Variants in LRP1B observed in about 807,000 individuals in gnomAD.
LRP1B encodes low-density lipoprotein receptor-related protein 1B.
LRP1B carries 217 observed loss-of-function variants against 556.6 expected under a neutral mutation model. The observed-to-expected ratio is 0.39, with a 90% CI of 0.35 to 0.44. The LOEUF is 0.44. LRP1B is among the 20% of genes least tolerant of loss of function. The pLI is 1.00. For synonymous variants in LRP1B, 2,047 were observed against 1,865.8 expected (o/e 1.10, Z -2.50); for missense variants, 5,053 against 5,620.8 (o/e 0.90, Z 3.23).
chr2:140,249,146 G>A (rs375167444), intron 86 of LRP1B, among the ~76,000 whole-genome samples: 22 of 151,474 alleles, frequency 1.5e-4, no homozygotes, highest in Admixed American at 1.3e-3. Context: ...TTACACTTTC[G>A]GAAAAGATTT....
intron 3 of LRP1B, among the ~76,000 whole-genome samples, chr2:141,417,371 T>C (rs1679937308): frequency 1.3e-5 from 2 of 152,174 alleles, no homozygotes; most frequent in African/African-American, 4.8e-5. Flanking sequence ...ATCCACTCAA[T>C]AGCAACTTCC....
rs117290168 is a variant in LRP1B at position 141,687,978 on chromosome 2, T to A, written c.205+122301A>T. 1.3e-4 allele frequency among the ~76,000 whole-genome samples: 19 copies of A among 150,458 alleles called. No homozygotes were observed. The East Asian group carries it at 3.8e-3, about 30-fold the overall frequency. Reference sequence around the variant, plus strand: ...ATGTAATTTTGCAATTCCAATTTTTTAATCTTTATTTATTAATAAATTATG... The same window carrying A: ...ATGTAATTTTGCAATTCCAATTTTTAAATCTTTATTTATTAATAAATTATG... On this transcript the variant is annotated intron_variant, in intron 2 of 90. Transcript: ENST00000389484.
intron 2 of LRP1B, among the ~76,000 whole-genome samples, chr2:141,715,461 AC>A (rs1405992711): frequency 6.6e-6 from 1 of 151,910 alleles, no homozygotes; most frequent in African/African-American, 2.4e-5. Flanking sequence ...ACAGAGCAAG[AC>A]CCTATCTCAA....
Position 140,588,666 on chromosome 2 carries a change from G to A in LRP1B, c.7194+9965C>T, listed in dbSNP as rs527533366. ...TTTGAAAAAAGTATACAAGCAATTA[G>A]AGAAAAGATGGACATCCAGCTGGGT... On this transcript the variant is annotated intron_variant, in intron 43 of 90. Coordinates refer to ENST00000389484, the MANE Select transcript of LRP1B (RefSeq NM_018557.3). Among the ~76,000 whole-genome samples the A allele has an allele frequency of 2.6e-5, 4 of 152,234 alleles. No homozygotes were observed. In the East Asian group the frequency reaches 7.7e-4, roughly 29 times the overall value.
intron 2 of LRP1B, among the ~76,000 whole-genome samples, chr2:141,714,035 T>A (rs1692474588): frequency 6.6e-6 from 1 of 152,198 alleles, no homozygotes; most frequent in South Asian, 2.1e-4. Flanking sequence ...CTATTTCCAG[T>A]CATTACTTTA....
At chr2:140,501,119 A>C (rs1689167150) in intron 55 of LRP1B, among the ~76,000 whole-genome samples, 2 of 151,978 alleles carry the variant, frequency 1.3e-5, no homozygotes, top group South Asian at 4.1e-4. Context: ...CGATTCTGTC[A>C]GCGAATCACC....
intron 7 of LRP1B, among the ~76,000 whole-genome samples, chr2:141,096,993 C>T (rs762284425): frequency 1.1e-4 from 16 of 152,084 alleles, no homozygotes; most frequent in African/African-American, 3.6e-4. Flanking sequence ...AGAGGCGAGC[C>T]GTTCCTTGCT....
intron 21 of LRP1B, among the ~76,000 whole-genome samples, chr2:140,908,291 T>C (rs1694313483): frequency 6.7e-6 from 1 of 150,090 alleles, no homozygotes; most frequent in Non-Finnish European, 1.5e-5. Flanking sequence ...TGAGCTTTGA[T>C]ATTTTCTTTA....
intron 7 of LRP1B, among the ~76,000 whole-genome samples, chr2:141,115,657 GTT>G (rs759761315): frequency 0.48 from 69,783 of 144,982 alleles, 17,414 homozygotes; most frequent in Middle Eastern, 0.66. Flanking sequence ...GTGTGTGTGT[GTT>G]TTTTAGTAGA....
chr2:141,051,581 T>C (rs1699036650), intron 10 of LRP1B, among the ~76,000 whole-genome samples: 1 of 151,922 alleles, frequency 6.6e-6, no homozygotes, highest in Non-Finnish European at 1.5e-5. Context: ...CCCAGGTACC[T>C]AGCAAAAATG....
chr2:141,911,315 C>T (rs973160574), intron 1 of LRP1B, among the ~76,000 whole-genome samples: 10 of 152,246 alleles, frequency 6.6e-5, no homozygotes, highest in African/African-American at 2.4e-4. Context: ...TTGGAGAATT[C>T]CAGTTATATT....
At chr2:140,790,616 G>A (rs1039913589) in intron 32 of LRP1B, among the ~76,000 whole-genome samples, 1 of 152,142 alleles carries the variant, frequency 6.6e-6, no homozygotes, top group Non-Finnish European at 1.5e-5. Context: ...ACATTTCTGA[G>A]TTTGGGTGCA....
At chr2:141,336,433 C>T (rs1687852910) in intron 3 of LRP1B, among the ~76,000 whole-genome samples, 1 of 152,150 alleles carries the variant, frequency 6.6e-6, no homozygotes, top group African/African-American at 2.4e-5. Context: ...GCTTAATCAC[C>T]TAAGTCAGAA....
chr2:141,114,878 C>CA (rs371033826), intron 7 of LRP1B, among the ~76,000 whole-genome samples: 92,749 of 149,730 alleles, frequency 0.62, 29,220 homozygotes, highest in Middle Eastern at 0.77. Flanking sequence ...CATACTAATG[C>CA]AAAAAAAAAA....
At chr2:140,958,290 A>T (rs1326408893) in intron 18 of LRP1B, among the ~76,000 whole-genome samples, 1 of 151,578 alleles carries the variant, frequency 6.6e-6, no homozygotes, top group East Asian at 1.9e-4. Flanking sequence ...AAAATAGGTA[A>T]GTCAAAATGT....
chr2:140,730,292 A>T (rs1248375428), intron 35 of LRP1B, among the ~76,000 whole-genome samples: 2 of 152,160 alleles, frequency 1.3e-5, no homozygotes, highest in East Asian at 3.9e-4. Context: ...TTTGCTTAAC[A>T]TTCTTTATGT....
At chr2:140,612,260 T>C (rs1683097886) in intron 41 of LRP1B, among the ~76,000 whole-genome samples, 1 of 152,154 alleles carries the variant, frequency 6.6e-6, no homozygotes, top group South Asian at 2.1e-4. Flanking sequence ...TTTAAATATG[T>C]TCATATCACC....
chr2:141,929,760 T>C (rs1194234659), intron 1 of LRP1B, among the ~76,000 whole-genome samples: 1 of 151,934 alleles, frequency 6.6e-6, no homozygotes, highest in Non-Finnish European at 1.5e-5. Flanking sequence ...CATCTAAATA[T>C]GTGAAAATGA....
intron 7 of LRP1B, among the ~76,000 whole-genome samples, chr2:141,123,494 CTA>C (rs978596072): frequency 1.1e-4 from 16 of 152,148 alleles, no homozygotes; most frequent in African/African-American, 3.9e-4. Flanking sequence ...TTAAAAGCAT[CTA>C]TGTTTTGAAA....
Sources: gnomAD v4.1 joint callset for allele counts (sites outside exome capture counted in the v4.1 genomes callset) on GRCh38, gnomAD v4.1.1 for gene constraint, MANE v1.5 for transcripts, NCBI Gene and HGNC (gene_info 2026-07-23, HGNC 2026-07-21) for gene names.